The following GPHN variants were observed in gnomAD, a reference collection of about 807,000 sequenced individuals.
GPHN encodes gephyrin.
In GPHN, 17 loss-of-function variants were observed where a neutral mutation model predicts 95.5. The observed-to-expected ratio is 0.18, with a 90% CI of 0.12 to 0.27. The LOEUF (loss-of-function observed/expected upper bound fraction) is 0.27, where lower values mean the gene tolerates loss of function less well. Among genes scored for constraint, GPHN ranks in the 10% least tolerant of loss-of-function variants. The probability of loss-of-function intolerance (pLI) is 1.00; values close to 1 mark genes in which losing one functional copy is unlikely to be tolerated. For synonymous variants in GPHN, 320 were observed against 322.5 expected (o/e 0.99, Z 0.08); for missense variants, 660 against 978.1 (o/e 0.67, Z 4.34).
At chr14:66,735,727 A>G (rs900674627) in intron 2 of GPHN, among the ~76,000 whole-genome samples, 1 of 152,120 alleles carries the variant, frequency 6.6e-6, no homozygotes, top group African/African-American at 2.4e-5. Context: ...TATGATTCAA[A>G]TATCATTTTA....
chr14:67,354,798 C>T, the GPHN span, among the ~76,000 whole-genome samples: 1 of 152,174 alleles, frequency 6.6e-6, no homozygotes, highest in South Asian at 2.1e-4. Flanking sequence ...CTACTATATT[C>T]TTTTGTACCT....
intron 11 of GPHN, among the ~76,000 whole-genome samples, chr14:67,085,990 C>T (rs1343681354): frequency 6.6e-6 from 1 of 152,206 alleles, no homozygotes; most frequent in Non-Finnish European, 1.5e-5. Flanking sequence ...GCTTATTTCA[C>T]TTAGCAGAAT....
At chr14:67,026,262 T>C (rs1227875329) in intron 10 of GPHN, among the ~76,000 whole-genome samples, 1 of 152,190 alleles carries the variant, frequency 6.6e-6, no homozygotes. Context: ...TGGTCTGCCT[T>C]ATAGATTGTT....
At chr14:67,393,662 C>G in the GPHN span, among the ~76,000 whole-genome samples, 1 of 152,036 alleles carries the variant, frequency 6.6e-6, no homozygotes, top group South Asian at 2.1e-4. Flanking sequence ...CCATGTTGAC[C>G]AGGCTGGTCT....
At chr14:67,515,729 G>A in the GPHN span, among the ~76,000 whole-genome samples, 1 of 152,322 alleles carries the variant, frequency 6.6e-6, no homozygotes, top group African/African-American at 2.4e-5. Flanking sequence ...TTGTAGTTGT[G>A]GGGACCAGGC....
chr14:67,433,045 T>C, the GPHN span, among the ~76,000 whole-genome samples: 1 of 152,214 alleles, frequency 6.6e-6, no homozygotes, highest in African/African-American at 2.4e-5. Flanking sequence ...CGTAGTCCTC[T>C]CTGTTTTTCT....
At chr14:67,619,790 C>T in the GPHN span, 3 of 544,590 alleles carry the variant, frequency 5.5e-6, no homozygotes, top group East Asian at 1.0e-4. Flanking sequence ...GAGCGGTGGG[C>T]GGGGCCTGCG....
the GPHN span, among the ~76,000 whole-genome samples, chr14:67,259,941 A>G: frequency 4.0e-5 from 6 of 151,766 alleles, no homozygotes; most frequent in South Asian, 4.2e-4. Flanking sequence ...AGTTTCTTCT[A>G]CTTTAACTTT....
At chr14:67,197,591 T>TA in the GPHN span, among the ~76,000 whole-genome samples, 1,810 of 152,246 alleles carry the variant, frequency 0.012, 39 homozygotes, top group African/African-American at 0.041. Context: ...TCCACCGACT[T>TA]AGAGTCTCAT....
chr14:67,200,129 C>A, the GPHN span: 1 of 1,090,400 alleles, frequency 9.2e-7, no homozygotes, highest in Non-Finnish European at 1.3e-6. Flanking sequence ...CGAAGGCCTC[C>A]ATTCTGATCT....
chr14:67,228,987 A>G, the GPHN span, among the ~76,000 whole-genome samples: 1 of 152,190 alleles, frequency 6.6e-6, no homozygotes, highest in Non-Finnish European at 1.5e-5. Context: ...GCCATCACTT[A>G]TTTTCTAAAT....
At chr14:67,703,412 G>A in the GPHN span, among the ~76,000 whole-genome samples, 22 of 152,228 alleles carry the variant, frequency 1.4e-4, no homozygotes, top group East Asian at 1.9e-3. Flanking sequence ...TGGCTGAATC[G>A]TATAAGAAAA....
At chr14:67,046,018 C>T (rs2153639134) in intron 10 of GPHN, among the ~76,000 whole-genome samples, 1 of 152,222 alleles carries the variant, frequency 6.6e-6, no homozygotes, top group South Asian at 2.1e-4. Context: ...GAGACCCAAC[C>T]CTAAAATCTG....
At chr14:66,583,735 A>G (rs1015571664) in intron 1 of GPHN, among the ~76,000 whole-genome samples, 6 of 152,060 alleles carry the variant, frequency 3.9e-5, no homozygotes, top group African/African-American at 9.7e-5. Flanking sequence ...GTTCTGTTCC[A>G]GTGGTCTATA....
intron 9 of GPHN, among the ~76,000 whole-genome samples, chr14:67,021,929 T>G (rs1350271056): frequency 6.6e-6 from 1 of 152,154 alleles, no homozygotes; most frequent in African/African-American, 2.4e-5. Context: ...TTGACTTCCA[T>G]TTGACTTCTT....
At chr14:66,813,887 C>T (rs186409821) in intron 3 of GPHN, among the ~76,000 whole-genome samples, 19 of 152,260 alleles carry the variant, frequency 1.2e-4, no homozygotes, top group East Asian at 7.8e-4. Flanking sequence ...TGGGTACCCA[C>T]GCCGTAGCTT....
chr14:67,078,568 G>A (rs900908844), intron 11 of GPHN, among the ~76,000 whole-genome samples: 2 of 152,128 alleles, frequency 1.3e-5, no homozygotes, highest in African/African-American at 4.8e-5. Flanking sequence ...TCACATCTGT[G>A]TAAGTATCTG....
intron 1 of GPHN, among the ~76,000 whole-genome samples, chr14:66,653,672 G>A (rs2153367414): frequency 6.6e-6 from 1 of 152,268 alleles, no homozygotes; most frequent in Non-Finnish European, 1.5e-5. Flanking sequence ...ACTTATATAA[G>A]TGGAATCACA....
the GPHN span, chr14:67,303,615 A>G: frequency 6.3e-7 from 1 of 1,586,630 alleles, no homozygotes; most frequent in Admixed American, 1.7e-5. Context: ...TGATTTTTAA[A>G]TGTTCATTAT....
Sources: allele counts gnomAD v4.1 joint callset (sites outside exome capture counted in the v4.1 genomes callset), GRCh38; gene constraint gnomAD v4.1.1; transcripts MANE v1.5; gene names NCBI Gene and HGNC (gene_info 2026-07-23, HGNC 2026-07-21).